Variants in RBFOX1 observed in about 807,000 individuals in gnomAD.
RBFOX1 encodes the protein RNA binding fox-1 homolog 1.
A neutral mutation model predicts 57.7 loss-of-function variants in RBFOX1; 8 were observed. The ratio of observed to expected loss-of-function variants is 0.14; its 90% CI spans 0.08 to 0.25. RBFOX1 has a LOEUF of 0.25. Among genes scored for constraint, RBFOX1 ranks in the 10% least tolerant of loss-of-function variants. The probability of loss-of-function intolerance (pLI) is 1.00; values close to 1 mark genes in which losing one functional copy is unlikely to be tolerated. For missense variants in RBFOX1, 611 were observed against 548.5 expected (o/e 1.11, Z -1.14); for synonymous variants, 326 against 222.4 (o/e 1.47, Z -4.15).
chr16:6,237,951 C>T (rs1440718275), intron 1 of RBFOX1, among the ~76,000 whole-genome samples: 4 of 151,426 alleles, frequency 2.6e-5, no homozygotes, highest in South Asian at 2.1e-4. Flanking sequence ...ATTAGCCGGG[C>T]GTGGTGATGC....
chr16:5,875,202 A>C (rs1404245724), intron 4 of RBFOX1, among the ~76,000 whole-genome samples: 1 of 152,206 alleles, frequency 6.6e-6, no homozygotes, highest in Non-Finnish European at 1.5e-5. Context: ...TTATCTTTAC[A>C]GCAATCTTTG....
In RBFOX1 at chr16:5,824,236, G is replaced by A. The variant is rs541483293; in HGVS notation, c.319-43067G>A. On this transcript the variant is annotated intron_variant, in intron 3 of 19. Transcript: ENST00000641259. ...GAGGGGGCGCCAGAGTCTGCGCCAG[G>A]TCCCTGTTATTTCCGAGGACTTGTG... 2.6e-5 allele frequency among the ~76,000 whole-genome samples: 4 copies of A among 152,302 alleles called. No individual in the cohort carries two copies. The South Asian group carries it at 6.2e-4, about 24-fold the overall frequency.
chr16:5,883,100 G>C (rs2057803740), intron 4 of RBFOX1, among the ~76,000 whole-genome samples: 1 of 152,130 alleles, frequency 6.6e-6, no homozygotes, highest in Admixed American at 6.5e-5. Context: ...TTGGGTACTT[G>C]AATCATGTAT....
In RBFOX1 at chr16:5,309,198, T is replaced by C. The variant is rs148404497; in HGVS notation, c.219+69093T>C. On this transcript the variant is annotated intron_variant, in intron 1 of 2. Coordinates refer to the RBFOX1 transcript ENST00000585867. ...TTATTGGGTTTTAGGAGGAGATAAA[T>C]GGTTTTGCTTTTGGAACGTCTTCTC... Among the ~76,000 whole-genome samples, 1,190 of 152,314 alleles carry C rather than the reference T, an allele frequency of 7.8e-3. 17 individuals are homozygous for C. The highest frequency in any genetic ancestry group is 0.027 in the African/African-American group (1,133 of 41,568).
chr16:6,690,768 T>TC (rs1434264459), intron 3 of RBFOX1, among the ~76,000 whole-genome samples: 1 of 151,190 alleles, frequency 6.6e-6, no homozygotes, highest in Non-Finnish European at 1.5e-5. Context: ...CTTTTTTTTT[T>TC]TTTTTAACTT....
At chr16:5,637,346 G>C (rs1440691418) in intron 3 of RBFOX1, among the ~76,000 whole-genome samples, 1 of 152,154 alleles carries the variant, frequency 6.6e-6, no homozygotes, top group Non-Finnish European at 1.5e-5. Flanking sequence ...TAGTAGATAG[G>C]TAAGTGGTCT....
At chr16:5,388,721 C>T (rs2151412789) in intron 1 of RBFOX1, among the ~76,000 whole-genome samples, 1 of 151,916 alleles carries the variant, frequency 6.6e-6, no homozygotes, top group South Asian at 2.1e-4. Context: ...ACTACAGGTG[C>T]ATGCCACCAT....
At chr16:6,721,543 TC>T (rs1266261985) in intron 3 of RBFOX1, among the ~76,000 whole-genome samples, 1 of 152,198 alleles carries the variant, frequency 6.6e-6, no homozygotes, top group African/African-American at 2.4e-5. Context: ...CAGAACTTTT[TC>T]ATCTTGTAAG....
chr16:6,594,000 C>T (rs2097752461), intron 2 of RBFOX1, among the ~76,000 whole-genome samples: 1 of 152,150 alleles, frequency 6.6e-6, no homozygotes, highest in Non-Finnish European at 1.5e-5. Context: ...CCTCCCTCCG[C>T]CCAGTGTTAC....
chr16:7,673,531 A>AC (rs1416112145), intron 13 of RBFOX1, among the ~76,000 whole-genome samples: 2 of 152,268 alleles, frequency 1.3e-5, no homozygotes, highest in South Asian at 2.1e-4. Context: ...ACATAGTGAG[A>AC]CCCCATCTCT....
chr16:6,764,085 C>G (rs183818386), intron 3 of RBFOX1, among the ~76,000 whole-genome samples: 50 of 152,300 alleles, frequency 3.3e-4, no homozygotes, highest in Middle Eastern at 6.8e-3. Flanking sequence ...ATAACGTGAT[C>G]TTAAAGGTAT....
chr16:6,806,809 A>AATATATAT (rs2086884892), intron 3 of RBFOX1, among the ~76,000 whole-genome samples: 6 of 69,790 alleles, frequency 8.6e-5, no homozygotes, highest in Admixed American at 1.6e-4. Flanking sequence ...TATATAAATA[A>AATATATAT]ATATATAAAT....
At chr16:6,776,963 A>C (rs147213645) in intron 3 of RBFOX1, among the ~76,000 whole-genome samples, 5 of 152,314 alleles carry the variant, frequency 3.3e-5, no homozygotes, top group African/African-American at 1.2e-4. Context: ...TGAGAGGTTG[A>C]AATTTATTTA....
At chr16:7,135,114 T>A (rs1445157659) in intron 4 of RBFOX1, among the ~76,000 whole-genome samples, 12 of 152,218 alleles carry the variant, frequency 7.9e-5, no homozygotes, top group Admixed American at 7.9e-4. Context: ...GCTGTTTTTA[T>A]GTCTGTTCTG....
At chr16:5,965,606 C>T (rs942866428) in intron 4 of RBFOX1, among the ~76,000 whole-genome samples, 1 of 152,104 alleles carries the variant, frequency 6.6e-6, no homozygotes, top group African/African-American at 2.4e-5. Flanking sequence ...TGACTGGCAC[C>T]AATGACCTCC....
At chr16:7,043,963 AT>A (rs2047033805) in intron 3 of RBFOX1, among the ~76,000 whole-genome samples, 1 of 152,082 alleles carries the variant, frequency 6.6e-6, no homozygotes, top group African/African-American at 2.4e-5. Flanking sequence ...ACCTTTTTCA[AT>A]TCTCCAAGAC....
At chr16:5,923,504 C>G (rs977762003) in intron 4 of RBFOX1, among the ~76,000 whole-genome samples, 1 of 148,716 alleles carries the variant, frequency 6.7e-6, no homozygotes, top group Non-Finnish European at 1.5e-5. Flanking sequence ...GAATTCAGAC[C>G]TAGATCATCT....
chr16:7,523,935 T>C (rs1203102313), intron 5 of RBFOX1, among the ~76,000 whole-genome samples: 4 of 152,196 alleles, frequency 2.6e-5, no homozygotes, highest in African/African-American at 9.6e-5. Flanking sequence ...CTGAATTTCC[T>C]GTGGAACGAA....
At chr16:6,994,955 G>T (rs1370953591) in intron 3 of RBFOX1, among the ~76,000 whole-genome samples, 1 of 151,846 alleles carries the variant, frequency 6.6e-6, no homozygotes, top group Non-Finnish European at 1.5e-5. Flanking sequence ...TTGTGTGTGT[G>T]TGTGTGTGTG....
Sources: gnomAD v4.1 joint callset for allele counts (sites outside exome capture counted in the v4.1 genomes callset) on GRCh38, gnomAD v4.1.1 for gene constraint, MANE v1.5 for transcripts, NCBI Gene and HGNC (gene_info 2026-07-23, HGNC 2026-07-21) for gene names.